SEMA3A: variants seen among roughly 807,000 people sequenced by gnomAD.
The protein encoded by SEMA3A is semaphorin 3A.
A neutral mutation model predicts 97.9 loss-of-function variants in SEMA3A; 29 were observed. The observed-to-expected ratio is 0.30, with a 90% confidence interval of 0.22 to 0.40. The LOEUF (loss-of-function observed/expected upper bound fraction) is 0.40, where lower values mean the gene tolerates loss of function less well. Among genes scored for constraint, SEMA3A ranks in the 10% least tolerant of loss-of-function variants. The pLI is 1.00. For missense variants in SEMA3A, 763 were observed against 951.3 expected (o/e 0.80, Z 2.60); for synonymous variants, 321 against 323.7 (o/e 0.99, Z 0.09).
intron 2 of SEMA3A, among the ~76,000 whole-genome samples, chr7:84,345,186 T>G (rs967291017): frequency 6.6e-6 from 1 of 152,166 alleles, no homozygotes; most frequent in Admixed American, 6.5e-5. Context: ...GTCTATTAAG[T>G]GTGCAACAGC....
At chr7:84,343,490 G>A (rs532139824) in intron 2 of SEMA3A, among the ~76,000 whole-genome samples, 30 of 152,280 alleles carry the variant, frequency 2.0e-4, no homozygotes, top group African/African-American at 7.0e-4. Flanking sequence ...AAAACTTAAA[G>A]GTAATTTAAT....
rs530843541 is a variant in SEMA3A at position 84,397,120 on chromosome 7, C to T, written c.-245-25220G>A. On this transcript the variant is annotated intron_variant, in intron 1 of 3. Coordinates refer to the SEMA3A transcript ENST00000424555. ...AAGTTGTGAAAGGCATACAAAATCA[C>T]AATGTTGAAAATTCGGAATTTCAAA... 7.0e-4 allele frequency among the ~76,000 whole-genome samples: 106 copies of T among 151,946 alleles called. 1 individual carries two copies. Among genetic ancestry groups the T allele is most frequent in the African/African-American group, 2.4e-3 (98 of 41,508 alleles).
At chr7:84,410,490 T>C (rs895130452) in intron 1 of SEMA3A, among the ~76,000 whole-genome samples, 2 of 152,118 alleles carry the variant, frequency 1.3e-5, no homozygotes, top group East Asian at 1.9e-4. Context: ...AGAAGAAAAT[T>C]ACTTATGTTA....
chr7:84,038,644 C>A (rs1792027854), intron 6 of SEMA3A, among the ~76,000 whole-genome samples: 1 of 151,742 alleles, frequency 6.6e-6, no homozygotes, highest in Non-Finnish European at 1.5e-5. Context: ...GTTGATGACC[C>A]CTCATGAAAA....
rs79903667 is a variant in SEMA3A, at chr7:84,437,407, C to T, written c.-246+55053G>A. Among the ~76,000 whole-genome samples the T allele has an allele frequency of 0.014, 2,054 of 150,698 alleles. 94 individuals carry two copies. The East Asian group carries it at 0.18, about 13-fold the overall frequency. On this transcript the variant is annotated intron_variant, in intron 1 of 3. Transcript: ENST00000424555. ...AATAGTCCGACATGAACATCAATTA[C>T]TTAAATTGATATTGTTATTAAGATA...
intron 5 of SEMA3A, among the ~76,000 whole-genome samples, chr7:84,058,973 A>G (rs1230976967): frequency 6.6e-6 from 1 of 152,172 alleles, no homozygotes; most frequent in Non-Finnish European, 1.5e-5. Flanking sequence ...AAAATAAATA[A>G]TCAAGCAAGT....
intron 2 of SEMA3A, among the ~76,000 whole-genome samples, chr7:84,129,888 A>G (rs1795912805): frequency 6.6e-6 from 1 of 152,084 alleles, no homozygotes; most frequent in Non-Finnish European, 1.5e-5. Flanking sequence ...TTTATCCCTC[A>G]TATTTAGTCT....
chr7:84,034,928 T>G (rs1791887978), intron 6 of SEMA3A, among the ~76,000 whole-genome samples: 1 of 152,208 alleles, frequency 6.6e-6, no homozygotes, highest in Admixed American at 6.5e-5. Flanking sequence ...TTTTATTTTA[T>G]TAGCACAAAG....
chr7:84,098,264 A>G (rs980619989), intron 4 of SEMA3A, among the ~76,000 whole-genome samples: 1 of 151,972 alleles, frequency 6.6e-6, no homozygotes, highest in African/African-American at 2.4e-5. Context: ...GAAAACATTT[A>G]TTTTTATTTT....
rs1804086958 is a variant in SEMA3A at position 84,406,346 on chromosome 7, C to A, written c.-245-34446G>T. Among the ~76,000 whole-genome samples, 3 of 151,990 alleles carry A rather than the reference C, an allele frequency of 2.0e-5. 1 individual carries two copies. Among genetic ancestry groups the A allele is most frequent in the Non-Finnish European group, 4.4e-5 (3 of 67,990 alleles). On this transcript the variant is annotated intron_variant, in intron 1 of 3. Coordinates refer to the SEMA3A transcript ENST00000424555. ...CACATACACCCTCCCAAGACTAAAC[C>A]AGGAAGAAGCTGAATCTCTGAATAG...
intron 2 of SEMA3A, among the ~76,000 whole-genome samples, chr7:84,360,619 T>C (rs548897469): frequency 6.6e-6 from 1 of 152,208 alleles, no homozygotes; most frequent in South Asian, 2.1e-4. Context: ...CATTTTTTAC[T>C]TACCCAAAGC....
At chr7:84,365,850 C>G (rs2116082079) in intron 2 of SEMA3A, among the ~76,000 whole-genome samples, 1 of 151,258 alleles carries the variant, frequency 6.6e-6, no homozygotes, top group South Asian at 2.1e-4. Flanking sequence ...GAATAGATAA[C>G]TCATCTACAA....
chr7:84,089,107 A>G (rs1794481800), intron 4 of SEMA3A, among the ~76,000 whole-genome samples: 1 of 152,128 alleles, frequency 6.6e-6, no homozygotes, highest in South Asian at 2.1e-4. Context: ...GTGAAAACGT[A>G]TATGTAAACA....
chr7:84,333,107 T>C (rs1801945556), intron 2 of SEMA3A, among the ~76,000 whole-genome samples: 1 of 152,146 alleles, frequency 6.6e-6, no homozygotes, highest in Non-Finnish European at 1.5e-5. Context: ...ATGTCTTATA[T>C]AAGATGTGAA....
chr7:84,392,764 G>A (rs1372860052), intron 1 of SEMA3A, among the ~76,000 whole-genome samples: 3 of 151,946 alleles, frequency 2.0e-5, no homozygotes, highest in African/African-American at 7.3e-5. Context: ...AAATCTTTGT[G>A]GTTTCAATTT....
intron 6 of SEMA3A, among the ~76,000 whole-genome samples, chr7:84,022,580 TAAC>T (rs1364994087): frequency 6.6e-6 from 1 of 152,232 alleles, no homozygotes; most frequent in East Asian, 1.9e-4. Context: ...AAATGCCATC[TAAC>T]AATAGTGTAA....
At chr7:83,985,094 A>G (rs1431442253) in intron 13 of SEMA3A, among the ~76,000 whole-genome samples, 1 of 152,150 alleles carries the variant, frequency 6.6e-6, no homozygotes, top group East Asian at 1.9e-4. Context: ...ATTTCAGGGT[A>G]TACACATAAA....
chr7:84,085,104 G>T (rs6974271), intron 4 of SEMA3A, among the ~76,000 whole-genome samples: 62,755 of 151,896 alleles, frequency 0.41, 14,841 homozygotes, highest in Non-Finnish European at 0.52. Context: ...ATTTAGAAAG[G>T]GATCTCTTTC....
chr7:84,218,350 A>G (rs978074222), intron 3 of SEMA3A, among the ~76,000 whole-genome samples: 4 of 152,152 alleles, frequency 2.6e-5, no homozygotes, highest in African/African-American at 9.6e-5. Context: ...TAGTACTTCA[A>G]TCTGGAAAGC....
Sources: allele counts gnomAD v4.1 joint callset (sites outside exome capture counted in the v4.1 genomes callset), GRCh38; gene constraint gnomAD v4.1.1; transcripts MANE v1.5; gene names NCBI Gene and HGNC (gene_info 2026-07-23, HGNC 2026-07-21).